The following DMD variants were observed in gnomAD, a reference collection of about 807,000 sequenced individuals.
DMD encodes the protein mutant dystrophin.
A neutral mutation model predicts 330.1 loss-of-function variants in DMD; 63 were observed. The observed-to-expected ratio is 0.19, with a 90% CI of 0.16 to 0.24. The LOEUF (loss-of-function observed/expected upper bound fraction) is 0.24. Ranked by LOEUF, DMD falls within the 10% of genes least tolerant of loss-of-function variation. The pLI, the probability that DMD is intolerant of heterozygous loss-of-function variation, is 1.00. For missense variants in DMD, 3,344 were observed against 2,684.1 expected (o/e 1.25, Z -5.43); for synonymous variants, 1,223 against 959.8 (o/e 1.27, Z -5.07).
At position 32,924,242 on chromosome X, in the gene DMD, G is replaced by C. The variant is rs773727481; in HGVS notation, c.94-74422C>G. ...GAAATAAGAAAAAAGAAAAATGTTA[G>C]CTAGACCAGGCATGATGGATCACAC... On this transcript the variant is annotated intron_variant, in intron 2 of 78. Coordinates refer to ENST00000357033, the MANE Select transcript of DMD (RefSeq NM_004006.3). Among the ~76,000 whole-genome samples the C allele has an allele frequency of 6.3e-5, 7 of 111,862 alleles. No homozygotes were observed. The South Asian group carries it at 1.1e-3, about 18-fold the overall frequency.
At position 32,342,113 on chromosome X, in the gene DMD, T is replaced by C. The variant is rs951731570; in HGVS notation, c.5909A>G (p.Asn1970Ser). The C allele has an allele frequency of 2.5e-6, 3 of 1,207,116 alleles. No individual in the cohort carries two copies. Among genetic ancestry groups the C allele is most frequent in the African/African-American group, 1.8e-5 (1 of 56,985 alleles). The change falls in exon 41 of 79, where the codon AAC (asparagine) becomes AGC (serine). Residue 1970 changes from asparagine (N) to serine (S), a missense_variant. Coordinates refer to ENST00000357033, the MANE Select transcript of DMD (RefSeq NM_004006.3). ...ESKFAQFRRL[N>S]FAQIHTVREE... ...GTAACAACTCACAATTTGTGCAAAGTTGAGTCTTCGAAACTGAGCAAATTT... is the reference window on the plus strand; with the variant it reads ...GTAACAACTCACAATTTGTGCAAAGCTGAGTCTTCGAAACTGAGCAAATTT...
intron 1 of DMD, among the ~76,000 whole-genome samples, chrX:33,255,526 C>T (rs2052842249): frequency 9.1e-6 from 1 of 110,324 alleles, no homozygotes; most frequent in Non-Finnish European, 1.9e-5. Context: ...TTAACAAATA[C>T]CACTTGATTA....
chrX:32,683,544 C>T (rs1390520429), intron 9 of DMD, among the ~76,000 whole-genome samples: 1 of 103,108 alleles, frequency 9.7e-6, no homozygotes, highest in Non-Finnish European at 2.0e-5. Flanking sequence ...ATCGCAAGGA[C>T]AAAAAACCAA....
At chrX:31,426,740 G>A (rs1168046840) in intron 60 of DMD, among the ~76,000 whole-genome samples, 1 of 111,845 alleles carries the variant, frequency 8.9e-6, no homozygotes, top group African/African-American at 3.3e-5. Context: ...CTCTTAGGCT[G>A]CATTCTTAGG....
intron 9 of DMD, among the ~76,000 whole-genome samples, chrX:32,662,808 T>C (rs1187743886): frequency 1.8e-5 from 2 of 111,846 alleles, no homozygotes. Flanking sequence ...CAGCAGCATA[T>C]ACAGAACAGC....
chrX:31,198,905 T>C (rs5926991), intron 67 of DMD, among the ~76,000 whole-genome samples: 9,392 of 111,771 alleles, frequency 0.084, 356 homozygotes, highest in Admixed American at 0.15. Flanking sequence ...GTATGTGTTT[T>C]GGGGGAGGGG....
intron 74 of DMD, among the ~76,000 whole-genome samples, chrX:31,154,682 G>A (rs1163752014): frequency 9.0e-6 from 1 of 111,218 alleles, no homozygotes; most frequent in Non-Finnish European, 1.9e-5. Context: ...AGGTATACAC[G>A]TACATCTCAC....
chrX:32,229,683 T>G (rs1224414944), intron 43 of DMD, among the ~76,000 whole-genome samples: 8 of 19,140 alleles, frequency 4.2e-4, no homozygotes, highest in African/African-American at 2.0e-3. Flanking sequence ...AGTTTCATCA[T>G]ATATATATAT....
intron 12 of DMD, among the ~76,000 whole-genome samples, chrX:32,601,631 G>A (rs113610017): frequency 9.2e-6 from 1 of 108,767 alleles, no homozygotes; most frequent in Non-Finnish European, 1.9e-5. Context: ...GCATGACTAT[G>A]AGGAGACAGT....
chrX:32,466,927 A>C (rs781718208), intron 23 of DMD, among the ~76,000 whole-genome samples: 2 of 111,540 alleles, frequency 1.8e-5, no homozygotes, highest in South Asian at 7.8e-4. Flanking sequence ...TGAAGTTATT[A>C]AATTTCCGGC....
In DMD at chrX:31,774,164, T is replaced by C. The variant is rs768213981; in HGVS notation, c.7338A>G (p.Thr2446=). 8.3e-6 allele frequency: 10 copies of C among 1,207,616 alleles called. No homozygotes were observed. Among genetic ancestry groups the C allele is most frequent in the Non-Finnish European group, 1.1e-5 (10 of 893,807 alleles). The change falls in exon 51 of 79, where the codon ACA becomes ACG. Residue 2446 remains threonine (T), a synonymous_variant. Transcript: ENST00000357033. ...ASPTQTVTLV[T]QPVVTKETAI... The stretch of plus-strand genomic sequence containing the variant: ...CAGTTTCCTTAGTAACCACAGGTTG[T>C]GTCACCAGAGTAACAGTCTGAGTAG...
At chrX:32,404,469 G>C (rs2098105979) in intron 30 of DMD, among the ~76,000 whole-genome samples, 1 of 111,193 alleles carries the variant, frequency 9.0e-6, no homozygotes, top group African/African-American at 3.3e-5. Context: ...AAAAAAATGA[G>C]ATCAGAATTC....
intron 13 of DMD, among the ~76,000 whole-genome samples, chrX:32,578,022 G>A (rs984903767): frequency 8.9e-6 from 1 of 112,390 alleles, no homozygotes; most frequent in Admixed American, 9.4e-5. Context: ...ATGAAGCAAA[G>A]CAATTGGAAG....
rs1165746413 is a variant in DMD at position 31,876,688 on chromosome X, C to CA, written c.6913-1316dup. Among the ~76,000 whole-genome samples, 193 of 83,022 alleles carry CA rather than the reference C, an allele frequency of 2.3e-3. 1 individual carries two copies. Among genetic ancestry groups the CA allele is most frequent in the South Asian group, 5.7e-3 (11 of 1,920 alleles). The allele number at this position is 83,022 out of a possible 115,157, so 72.1% of individuals were successfully genotyped here. A position where few individuals can be genotyped will look rare whatever the true frequency, so the allele number is the denominator to read the frequency against. On this transcript the variant is annotated intron_variant, in intron 47 of 78. Transcript: ENST00000357033. ...CAACATAGCAACACTCCCATCTCTA[C>CA]AAAAAAAAAACAAAAAAAACAAAAA...
chrX:31,148,896 G>C (rs1312625084), intron 74 of DMD, among the ~76,000 whole-genome samples: 2 of 111,678 alleles, frequency 1.8e-5, no homozygotes, highest in African/African-American at 6.5e-5. Flanking sequence ...ATATGTTCTA[G>C]ATGCTAATCC....
chrX:32,100,191 ACTG>A (rs1199438707), intron 44 of DMD, among the ~76,000 whole-genome samples: 1 of 110,430 alleles, frequency 9.1e-6, no homozygotes, highest in Non-Finnish European at 1.9e-5. Context: ...CCCAGAAGAA[ACTG>A]CTATTAAAGA....
At chrX:32,740,793 G>A (rs1042120520) in intron 7 of DMD, among the ~76,000 whole-genome samples, 1 of 111,055 alleles carries the variant, frequency 9.0e-6, no homozygotes, top group African/African-American at 3.3e-5. Flanking sequence ...TTATTTCTAT[G>A]ATCTTTCTCA....
At chrX:32,857,454 T>G (rs1249430723) in intron 2 of DMD, among the ~76,000 whole-genome samples, 1 of 112,399 alleles carries the variant, frequency 8.9e-6, no homozygotes, top group African/African-American at 3.2e-5. Flanking sequence ...GCCATTAAAA[T>G]GATGTGTTTT....
chrX:32,807,977 T>A (rs182305434), intron 7 of DMD, among the ~76,000 whole-genome samples: 184 of 112,258 alleles, frequency 1.6e-3, no homozygotes, highest in Non-Finnish European at 2.0e-3. Context: ...GCCTTATCTT[T>A]CAAATTCATA....
Sources: gnomAD v4.1 joint callset for allele counts (sites outside exome capture counted in the v4.1 genomes callset) on GRCh38, gnomAD v4.1.1 for gene constraint, MANE v1.5 for transcripts, NCBI Gene and HGNC (gene_info 2026-07-23, HGNC 2026-07-21) for gene names.